The following GRM7 variants were observed in gnomAD, a reference collection of about 807,000 sequenced individuals.
The protein encoded by GRM7 is metabotropic glutamate receptor 7.
A neutral mutation model predicts 84.5 loss-of-function variants in GRM7; 35 were observed. The observed-to-expected ratio is 0.41, with a 90% CI of 0.32 to 0.55. The LOEUF (loss-of-function observed/expected upper bound fraction) is 0.55. Among genes scored for constraint, GRM7 ranks in the 20% least tolerant of loss-of-function variants. GRM7 has a pLI of 0.19. For synonymous variants in GRM7, 487 were observed against 455.1 expected (o/e 1.07, Z -0.89); for missense variants, 1,003 against 1,194.6 (o/e 0.84, Z 2.36).
chr3:7,351,597 A>C (rs530402315), intron 4 of GRM7, among the ~76,000 whole-genome samples: 1 of 152,096 alleles, frequency 6.6e-6, no homozygotes, highest in Admixed American at 6.6e-5. Context: ...ACATGACCTC[A>C]GTATGAGTGG....
intron 5 of GRM7, among the ~76,000 whole-genome samples, chr3:7,431,966 A>G (rs1372414380): frequency 6.6e-6 from 1 of 152,182 alleles, no homozygotes; most frequent in Non-Finnish European, 1.5e-5. Context: ...CTGATGGGCC[A>G]TAAAGTTAGG....
intron 3 of GRM7, among the ~76,000 whole-genome samples, chr3:7,303,469 G>A (rs758751135): frequency 3.3e-5 from 5 of 151,974 alleles, no homozygotes; most frequent in Non-Finnish European, 5.9e-5. Flanking sequence ...TAATTCTTAT[G>A]TTAAACAGAA....
chr3:6,879,207 A>G (rs1440179539), intron 1 of GRM7, among the ~76,000 whole-genome samples: 2 of 152,242 alleles, frequency 1.3e-5, no homozygotes, highest in Non-Finnish European at 2.9e-5. Context: ...TCATACAACC[A>G]GTAAGTAGTA....
At chr3:6,970,615 G>C (rs976298208) in intron 1 of GRM7, among the ~76,000 whole-genome samples, 3 of 151,978 alleles carry the variant, frequency 2.0e-5, no homozygotes, top group African/African-American at 7.2e-5. Context: ...CTCTTAGGCT[G>C]GTGTGTTAAG....
intron 7 of GRM7, among the ~76,000 whole-genome samples, chr3:7,504,626 C>A (rs1385660317): frequency 6.6e-6 from 1 of 152,124 alleles, no homozygotes; most frequent in Non-Finnish European, 1.5e-5. Flanking sequence ...GCAAAAGAAC[C>A]AGAAAGAGGT....
At chr3:7,267,579 C>T (rs763990497) in intron 2 of GRM7, among the ~76,000 whole-genome samples, 22 of 152,200 alleles carry the variant, frequency 1.4e-4, no homozygotes, top group South Asian at 4.2e-4. Flanking sequence ...GCTTGCAGCC[C>T]GGAGTGCCAA....
chr3:6,945,736 C>T (rs1698053377), intron 1 of GRM7, among the ~76,000 whole-genome samples: 1 of 152,144 alleles, frequency 6.6e-6, no homozygotes, highest in Non-Finnish European at 1.5e-5. Flanking sequence ...TGTTTCCTGA[C>T]TTTTTAATGA....
At chr3:7,121,361 CCA>C (rs1268312785) in intron 1 of GRM7, among the ~76,000 whole-genome samples, 16 of 151,902 alleles carry the variant, frequency 1.1e-4, no homozygotes, top group Admixed American at 7.2e-4. Flanking sequence ...ATCCATCCAT[CCA>C]TCCATCCATC....
rs528094766 is a variant in GRM7 at position 7,454,634 on chromosome 3, T to A, written c.1375+1827T>A. Among the ~76,000 whole-genome samples, 4 of 152,238 alleles carry A rather than the reference T, an allele frequency of 2.6e-5. No homozygotes were observed. In the South Asian group the frequency reaches 8.3e-4, roughly 32 times the overall value. On this transcript the variant is annotated intron_variant, in intron 6 of 9. Coordinates refer to ENST00000357716, the MANE Select transcript of GRM7 (RefSeq NM_000844.4). ...CTCACAATTCTGAAGCTAATCTATGTATATAATGGGACTGAGAAAATAATT... is the reference window on the plus strand; with the variant it reads ...CTCACAATTCTGAAGCTAATCTATGAATATAATGGGACTGAGAAAATAATT...
At chr3:7,200,964 ATTT>A (rs71625339) in intron 2 of GRM7, among the ~76,000 whole-genome samples, 2 of 98,158 alleles carry the variant, frequency 2.0e-5, no homozygotes, top group Non-Finnish European at 1.9e-5. Context: ...ACATTTCAGA[ATTT>A]TTTTTTTTTT....
chr3:7,487,929 C>A (rs532472805), intron 7 of GRM7, among the ~76,000 whole-genome samples: 37 of 152,276 alleles, frequency 2.4e-4, no homozygotes, highest in African/African-American at 8.7e-4. Flanking sequence ...TGAGAGCAGC[C>A]ATATGGGCTG....
At chr3:7,288,445 T>C (rs1170852909) in intron 2 of GRM7, among the ~76,000 whole-genome samples, 2 of 152,108 alleles carry the variant, frequency 1.3e-5, no homozygotes, top group East Asian at 1.9e-4. Flanking sequence ...GGTAGGAACC[T>C]AGCTCTAGAT....
chr3:7,404,802 AAATAAT>A (rs559868826), intron 4 of GRM7, among the ~76,000 whole-genome samples: 87 of 151,928 alleles, frequency 5.7e-4, no homozygotes, highest in African/African-American at 2.1e-3. Context: ...TAAAAAAAAA[AAATAAT>A]AATAATGCAA....
At chr3:7,477,932 C>A (rs1427990897) in intron 7 of GRM7, among the ~76,000 whole-genome samples, 1 of 152,148 alleles carries the variant, frequency 6.6e-6, no homozygotes, top group Non-Finnish European at 1.5e-5. Flanking sequence ...ATAAGTGACA[C>A]TGTCTTTGTC....
chr3:7,587,479 G>T (rs1013838982), intron 8 of GRM7, among the ~76,000 whole-genome samples: 3 of 152,164 alleles, frequency 2.0e-5, no homozygotes, highest in Non-Finnish European at 4.4e-5. Flanking sequence ...ACTGTCAGGA[G>T]AGGCTGTAAT....
intron 4 of GRM7, among the ~76,000 whole-genome samples, chr3:7,359,333 C>CT (rs372075812): frequency 0.094 from 9,231 of 98,466 alleles, 1,079 homozygotes; most frequent in East Asian, 0.21. Flanking sequence ...CCCTCCTCCT[C>CT]TTTTTTTTTT....
chr3:7,723,411 T>C (rs1702020017), intron 9 of GRM7, among the ~76,000 whole-genome samples: 2 of 152,162 alleles, frequency 1.3e-5, no homozygotes, highest in Non-Finnish European at 2.9e-5. Context: ...AGGCTCTTGT[T>C]AGATCCCCTC....
At chr3:7,016,731 G>A (rs1034567827) in intron 1 of GRM7, among the ~76,000 whole-genome samples, 9 of 152,114 alleles carry the variant, frequency 5.9e-5, no homozygotes, top group East Asian at 1.9e-4. Flanking sequence ...ATGGTATAGT[G>A]CCAACATTCG....
At chr3:7,483,954 T>A (rs1307833682) in intron 7 of GRM7, among the ~76,000 whole-genome samples, 1 of 152,172 alleles carries the variant, frequency 6.6e-6, no homozygotes, top group South Asian at 2.1e-4. Flanking sequence ...TGTGTTACTA[T>A]TGAAAGTGCT....
Sources: allele counts gnomAD v4.1 joint callset (sites outside exome capture counted in the v4.1 genomes callset), GRCh38; gene constraint gnomAD v4.1.1; transcripts MANE v1.5; gene names NCBI Gene and HGNC (gene_info 2026-07-23, HGNC 2026-07-21).